ZFP64: variants seen among roughly 807,000 people sequenced by gnomAD.
The protein encoded by ZFP64 is zinc finger protein 64.
A neutral mutation model predicts 51.6 loss-of-function variants in ZFP64; 14 were observed. The observed-to-expected ratio is 0.27, with a 90% CI of 0.18 to 0.42. The LOEUF is 0.42. ZFP64 is among the 10% of genes least tolerant of loss of function. ZFP64 has a pLI of 1.00. For missense variants in ZFP64, 754 were observed against 906.8 expected, an observed-to-expected ratio of 0.83 and a Z score of 2.16; for synonymous variants, 375 against 361.4, an observed-to-expected ratio of 1.04 and a Z score of -0.43.
chr20:52,137,317 C>T (rs1032471250), intron 5 of ZFP64, among the ~76,000 whole-genome samples: 1 of 152,108 alleles, frequency 6.6e-6, no homozygotes, highest in Admixed American at 6.5e-5. Flanking sequence ...TTCCTGGTAA[C>T]ACCATCATTT....
chr20:52,173,262 G>A (rs1982900331), intron 2 of ZFP64, among the ~76,000 whole-genome samples: 1 of 152,036 alleles, frequency 6.6e-6, no homozygotes, highest in Non-Finnish European at 1.5e-5. Flanking sequence ...TGAATTTTAG[G>A]ATTTTCTTCT....
intron 4 of ZFP64, among the ~76,000 whole-genome samples, chr20:52,164,090 C>T (rs944482466): frequency 3.9e-5 from 6 of 152,106 alleles, no homozygotes; most frequent in South Asian, 2.1e-4. Context: ...GTGGGTGGAT[C>T]GCTTGAGTCC....
intron 7 of ZFP64, among the ~76,000 whole-genome samples, chr20:52,093,606 G>A (rs1173555437): frequency 2.6e-5 from 4 of 152,184 alleles, no homozygotes; most frequent in African/African-American, 7.2e-5. Flanking sequence ...GGAGACCCTC[G>A]TCAATGGACA....
intron 5 of ZFP64, among the ~76,000 whole-genome samples, chr20:52,125,577 T>A (rs1316793302): frequency 6.6e-6 from 1 of 152,208 alleles, no homozygotes; most frequent in Non-Finnish European, 1.5e-5. Flanking sequence ...TGGTCTTGGG[T>A]GGCAGCAGCT....
At position 52,174,188 on chromosome 20, in the gene ZFP64, A is replaced by G. The variant is rs1982984954; in HGVS notation, c.287-8163T>C. 2.6e-5 allele frequency among the ~76,000 whole-genome samples: 4 copies of G among 152,198 alleles called. No individual in the cohort carries two copies. The South Asian group carries it at 8.3e-4, about 31-fold the overall frequency. ...TAAAGGGCTAACCTCTTTTATATAT[A>G]GAAAATATATTTTAGGGCCGGGAGC... On this transcript the variant is annotated intron_variant, in intron 2 of 5. Transcript: ENST00000216923.
At position 52,161,000 on chromosome 20, in the gene ZFP64, G is replaced by A. The variant is rs552254584; in HGVS notation, c.512-626C>T. Among the ~76,000 whole-genome samples, 7 of 152,092 alleles carry A rather than the reference G, an allele frequency of 4.6e-5. No individual in the cohort carries two copies. Among genetic ancestry groups the A allele is most frequent in the African/African-American group, 1.7e-4 (7 of 41,546 alleles). ...TGAGTCGGTGAGCGCAGGTGAGTGA[G>A]CAGGTGAGGGCAGGTGAGTGAGCAG... On this transcript the variant is annotated intron_variant, in intron 4 of 5. Coordinates refer to ENST00000216923, the MANE Select transcript of ZFP64 (RefSeq NM_018197.3). This position sits in a 1 kb window ranked among gnomAD's most constrained non-coding sequence, Gnocchi z 4.2.
At chr20:52,100,037 A>G (rs2079034034) in intron 5 of ZFP64, among the ~76,000 whole-genome samples, 1 of 152,240 alleles carries the variant, frequency 6.6e-6, no homozygotes, top group Non-Finnish European at 1.5e-5. Context: ...TCTGTCACCC[A>G]GGCTGGATTG....
chr20:52,184,252 G>A (rs954550549), intron 2 of ZFP64, among the ~76,000 whole-genome samples: 21 of 152,166 alleles, frequency 1.4e-4, no homozygotes, highest in Non-Finnish European at 2.1e-4. Flanking sequence ...GAGATGTATT[G>A]TTTGGCAACA....
At chr20:52,150,130 G>A (rs543406473), downstream of ZFP64, among the ~76,000 whole-genome samples, 5 of 151,420 alleles carry the variant, frequency 3.3e-5, no homozygotes, top group East Asian at 1.9e-4. Flanking sequence ...GTGTGAACCC[G>A]GGAGGCGGAG....
chr20:52,139,848 G>T (rs200844578), intron 5 of ZFP64, among the ~76,000 whole-genome samples: 47 of 129,826 alleles, frequency 3.6e-4, no homozygotes, highest in East Asian at 7.2e-4. Context: ...GCGCTGAGTT[G>T]TTTTTTTTTT....
chr20:52,174,360 C>A (rs374400041), intron 2 of ZFP64, among the ~76,000 whole-genome samples: 24 of 151,858 alleles, frequency 1.6e-4, no homozygotes, highest in East Asian at 1.6e-3. Flanking sequence ...GTGGTGGGTA[C>A]CTGTAATCCC....
chr20:52,097,357 C>T, intron 7 of ZFP64: 2 of 1,610,996 alleles, frequency 1.2e-6, no homozygotes, highest in Non-Finnish European at 1.7e-6. Flanking sequence ...AGCTGTTGAA[C>T]AGAATGGATA....
intron 5 of ZFP64, among the ~76,000 whole-genome samples, chr20:52,098,979 G>A (rs1455331479): frequency 1.4e-5 from 2 of 138,090 alleles, no homozygotes; most frequent in Non-Finnish European, 3.0e-5. Flanking sequence ...TCCAGCCTGG[G>A]CAACAGAGCA....
At chr20:52,148,742 G>A (rs985027112), downstream of ZFP64, among the ~76,000 whole-genome samples, 32 of 151,208 alleles carry the variant, frequency 2.1e-4, no homozygotes, top group African/African-American at 7.5e-4. Flanking sequence ...CTGCAGCAAG[G>A]AGCCATTGAA....
chr20:52,119,137 C>T (rs1029627652), intron 5 of ZFP64, among the ~76,000 whole-genome samples: 1 of 151,450 alleles, frequency 6.6e-6, no homozygotes, highest in African/African-American at 2.4e-5. Flanking sequence ...AGAGCAAGAC[C>T]CTGTCTCAAA....
intron 5 of ZFP64, chr20:52,105,182 G>A (rs765375562): frequency 2.6e-5 from 37 of 1,437,304 alleles, no homozygotes; most frequent in Non-Finnish European, 3.3e-5. Flanking sequence ...CCGGCGCGCA[G>A]GCCGCGGCTC....
intron 5 of ZFP64, chr20:52,104,973 G>C: frequency 2.4e-6 from 2 of 822,552 alleles, no homozygotes; most frequent in Non-Finnish European, 3.7e-6. Flanking sequence ...TTACAAAGGC[G>C]GGGGGCGGGG....
chr20:52,165,749 G>T, intron 3 of ZFP64, 115 bp downstream of exon 3: 2 of 1,391,162 alleles, frequency 1.4e-6, no homozygotes, highest in Non-Finnish European at 1.0e-6. Context: ...TGATTTTTAT[G>T]CCAGGTAGTT....
chr20:52,161,527 G>A (rs1229541616), intron 4 of ZFP64, among the ~76,000 whole-genome samples: 2 of 140,218 alleles, frequency 1.4e-5, no homozygotes, highest in Non-Finnish European at 3.0e-5. Context: ...CGGTAATTTC[G>A]ATCACCTGTT....
Sources: gnomAD v4.1 joint callset for allele counts (sites outside exome capture counted in the v4.1 genomes callset) on GRCh38, gnomAD v4.1.1 for gene constraint, Gnocchi (gnomAD v3.1) non-coding constraint, MANE v1.5 for transcripts, NCBI Gene and HGNC (gene_info 2026-07-23, HGNC 2026-07-21) for gene names.